Variants in SNX29 observed in about 807,000 individuals in gnomAD.
SNX29 encodes the protein sorting nexin 29.
SNX29 carries 78 observed loss-of-function variants against 102.1 expected under a neutral mutation model. The observed-to-expected ratio is 0.76, with a 90% CI of 0.64 to 0.92. SNX29 has a LOEUF of 0.92. Ranked by LOEUF, SNX29 falls within the 40% of genes least tolerant of loss-of-function variation. The pLI, the probability that SNX29 is intolerant of heterozygous loss-of-function variation, is 0.00. For synonymous variants in SNX29, 580 were observed against 414.5 expected, an observed-to-expected ratio of 1.40 and a Z score of -4.85; for missense variants, 1,280 against 1,061.7, an observed-to-expected ratio of 1.21 and a Z score of -2.86.
chr16:12,097,433 T>TGTTC (rs2052814031), intron 11 of SNX29, among the ~76,000 whole-genome samples: 1 of 152,230 alleles, frequency 6.6e-6, no homozygotes, highest in Non-Finnish European at 1.5e-5. Context: ...TCTGGCTGGT[T>TGTTC]GTTCCCTGCC....
At chr16:12,312,611 AG>A (rs2080595547) in intron 15 of SNX29, among the ~76,000 whole-genome samples, 1 of 152,014 alleles carries the variant, frequency 6.6e-6, no homozygotes, top group Non-Finnish European at 1.5e-5. Context: ...TGGGAGCTTA[AG>A]ATCTCGTACT....
intron 16 of SNX29, among the ~76,000 whole-genome samples, chr16:12,383,594 G>C (rs893937903): frequency 1.3e-5 from 2 of 151,504 alleles, no homozygotes; most frequent in South Asian, 4.2e-4. Flanking sequence ...CCACCACCAC[G>C]CCCAGGTAAT....
chr16:12,472,100 C>T (rs2087371830), intron 18 of SNX29, among the ~76,000 whole-genome samples: 1 of 152,234 alleles, frequency 6.6e-6, no homozygotes, highest in Non-Finnish European at 1.5e-5. Flanking sequence ...CAGTGGAATA[C>T]TATTCATTAG....
chr16:12,462,291 C>T (rs940544574), intron 18 of SNX29, among the ~76,000 whole-genome samples: 1 of 151,868 alleles, frequency 6.6e-6, no homozygotes, highest in African/African-American at 2.4e-5. Context: ...AGAGACGTGC[C>T]TTTCATTTTG....
At chr16:12,123,827 TG>T (rs2054087357) in intron 11 of SNX29, among the ~76,000 whole-genome samples, 1 of 152,208 alleles carries the variant, frequency 6.6e-6, no homozygotes. Context: ...TCAGGCTGTG[TG>T]GGCCCCATGG....
At position 12,123,584 on chromosome 16, in the gene SNX29, A is replaced by G. The variant is rs183396717; in HGVS notation, c.1403-3049A>G. Among the ~76,000 whole-genome samples, 14 of 152,254 alleles carry G rather than the reference A, an allele frequency of 9.2e-5. No individual in the cohort carries two copies. In the East Asian group the frequency reaches 2.7e-3, roughly 29 times the overall value. The stretch of plus-strand genomic sequence containing the variant: ...AATAATATTCAGCCGTAAAAAGAGA[A>G]GGAGTCTGAGGCAGCAGTGGCCCTC... On this transcript the variant is annotated intron_variant, in intron 11 of 20. Transcript: ENST00000566228.
intron 20 of SNX29, among the ~76,000 whole-genome samples, chr16:12,567,933 G>C (rs558619594): frequency 1.3e-5 from 2 of 152,118 alleles, no homozygotes; most frequent in African/African-American, 4.8e-5. Flanking sequence ...GTGTGTTCGC[G>C]TTGCTTCAGA....
intron 16 of SNX29, among the ~76,000 whole-genome samples, chr16:12,394,945 A>C (rs1360342198): frequency 2.0e-5 from 3 of 152,150 alleles, no homozygotes; most frequent in Non-Finnish European, 4.4e-5. Flanking sequence ...CACACCCCTC[A>C]GGACTAGAAG....
chr16:12,413,950 C>G (rs1455438839), intron 18 of SNX29, among the ~76,000 whole-genome samples: 1 of 152,210 alleles, frequency 6.6e-6, no homozygotes, highest in Non-Finnish European at 1.5e-5. Flanking sequence ...GTGCTCAAGT[C>G]CCTCATATAA....
At chr16:12,481,534 ACACACACAC>A (rs2087927428) in intron 19 of SNX29, among the ~76,000 whole-genome samples, 1 of 150,826 alleles carries the variant, frequency 6.6e-6, no homozygotes. Context: ...ACACACACAC[ACACACACAC>A]ACACACACAC....
rs16958914 is a variant in SNX29, at chr16:12,061,658, C to G, written c.1243+12C>G. On this transcript the variant is annotated intron_variant, in intron 9 of 20. Coordinates refer to ENST00000566228, the MANE Select transcript of SNX29 (RefSeq NM_032167.5). ...CTACAGCCCAGCAGGTGGGTGTCTC[C>G]CGATTACTCCTTTCCTCCAATAAGA... is the stretch of plus-strand genomic sequence containing the variant. 3,334 of 1,597,408 alleles carry G rather than the reference C, an allele frequency of 2.1e-3. 64 individuals carry two copies. The African/African-American group carries it at 0.039, about 19-fold the overall frequency.
At chr16:12,528,192 A>G (rs934148248) in intron 20 of SNX29, among the ~76,000 whole-genome samples, 4 of 152,070 alleles carry the variant, frequency 2.6e-5, no homozygotes, top group Admixed American at 6.5e-5. Flanking sequence ...AGATAAAAAA[A>G]TCCAGACGTC....
chr16:12,109,151 A>AAAAAG (rs2053400836), intron 11 of SNX29, among the ~76,000 whole-genome samples: 3 of 151,430 alleles, frequency 2.0e-5, no homozygotes, highest in African/African-American at 7.3e-5. Flanking sequence ...AAAAAAAAAA[A>AAAAAG]AAAAGAAAAG....
At chr16:12,255,587 C>T (rs991507523) in intron 14 of SNX29, among the ~76,000 whole-genome samples, 6 of 146,952 alleles carry the variant, frequency 4.1e-5, no homozygotes, top group Non-Finnish European at 7.4e-5. Context: ...CTGCTCTCTG[C>T]TTCTATGCTC....
At chr16:12,506,251 A>C (rs1299577293) in intron 19 of SNX29, among the ~76,000 whole-genome samples, 1 of 152,146 alleles carries the variant, frequency 6.6e-6, no homozygotes, top group Non-Finnish European at 1.5e-5. Context: ...GTGAGCCACC[A>C]GCGCCTGGCT....
At chr16:12,510,646 C>G (rs2089573833) in intron 19 of SNX29, among the ~76,000 whole-genome samples, 2 of 152,110 alleles carry the variant, frequency 1.3e-5, no homozygotes, top group Non-Finnish European at 2.9e-5. Flanking sequence ...GCACTCCAGC[C>G]TGGGCGACAG....
chr16:12,452,874 C>G (rs971496309), intron 18 of SNX29, among the ~76,000 whole-genome samples: 8 of 152,154 alleles, frequency 5.3e-5, no homozygotes, highest in African/African-American at 1.9e-4. Flanking sequence ...TAAAATTGCT[C>G]CTTGTTCTGA....
intron 15 of SNX29, among the ~76,000 whole-genome samples, chr16:12,354,844 G>T (rs899507238): frequency 1.3e-5 from 2 of 152,162 alleles, no homozygotes; most frequent in African/African-American, 2.4e-5. Flanking sequence ...TCTGTACAAA[G>T]AAAAAAGCTG....
intron 13 of SNX29, among the ~76,000 whole-genome samples, chr16:12,177,920 G>C (rs1421054828): frequency 6.6e-6 from 1 of 152,188 alleles, no homozygotes; most frequent in Non-Finnish European, 1.5e-5. Context: ...TCTGTGCCTA[G>C]ATATGATAGT....
Sources: gnomAD v4.1 joint callset for allele counts (sites outside exome capture counted in the v4.1 genomes callset) on GRCh38, gnomAD v4.1.1 for gene constraint, MANE v1.5 for transcripts, NCBI Gene and HGNC (gene_info 2026-07-23, HGNC 2026-07-21) for gene names.